The following CDKL5 variants were observed in gnomAD, a reference collection of about 807,000 sequenced individuals.
CDKL5 encodes the protein cyclin dependent kinase like 5.
In CDKL5, 8 loss-of-function variants were observed where a neutral mutation model predicts 61.7. That is an observed-to-expected ratio of 0.13 (90% CI 0.08 to 0.23). The LOEUF (loss-of-function observed/expected upper bound fraction) is 0.23, where lower values mean the gene tolerates loss of function less well. Ranked by LOEUF, CDKL5 falls within the 10% of genes least tolerant of loss-of-function variation. The pLI, the probability that CDKL5 is intolerant of heterozygous loss-of-function variation, is 1.00. For synonymous variants in CDKL5, 275 were observed against 272.3 expected, an observed-to-expected ratio of 1.01 and a Z score of -0.10; for missense variants, 440 against 734.5, an observed-to-expected ratio of 0.60 and a Z score of 4.63.
At chrX:18,485,734 T>G (rs1396197213) in intron 1 of CDKL5, among the ~76,000 whole-genome samples, 1 of 111,899 alleles carries the variant, frequency 8.9e-6, no homozygotes, top group African/African-American at 3.2e-5. Context: ...CTTAAGGGAA[T>G]TTAGCTATCA....
At chrX:18,522,792 G>A (rs1569201559) in intron 3 of CDKL5, among the ~76,000 whole-genome samples, 1 of 101,107 alleles carries the variant, frequency 9.9e-6, no homozygotes, top group Admixed American at 1.1e-4. Context: ...AAATATTATC[G>A]ATTTTTTTTT....
chrX:18,574,076 A>C, intron 4 of CDKL5, among the ~76,000 whole-genome samples: 1 of 110,237 alleles, frequency 9.1e-6, no homozygotes, highest in Middle Eastern at 4.7e-3. Flanking sequence ...CTATCTCCAC[A>C]CTCCATTTTC....
chrX:18,528,521 A>G (rs1420134929), intron 3 of CDKL5, among the ~76,000 whole-genome samples: 1 of 110,046 alleles, frequency 9.1e-6, no homozygotes, highest in East Asian at 2.9e-4. Flanking sequence ...CTTCCTCTTG[A>G]TTAGTGTTAT....
chrX:18,647,426 G>A (rs923213442), intron 20 of CDKL5: 24 of 985,175 alleles, frequency 2.4e-5, no homozygotes, highest in South Asian at 2.4e-4. Flanking sequence ...TCTGCTTTGC[G>A]CTTCGGAGAC....
intron 3 of CDKL5, among the ~76,000 whole-genome samples, chrX:18,539,346 A>C (rs987495590): frequency 8.9e-6 from 1 of 112,039 alleles, no homozygotes; most frequent in Non-Finnish European, 1.9e-5. Context: ...ATTGAATACT[A>C]TAAATTTCCC....
chrX:18,613,323 T>C lies in CDKL5; in HGVS notation c.2276+48T>C, dbSNP rs770940060. On this transcript the variant is annotated intron_variant, in intron 15 of 17. Coordinates refer to ENST00000623535, the MANE Select transcript of CDKL5 (RefSeq NM_001323289.2). ...ACTCTTCCTTTTTTTAATTGTAGAT[T>C]TAAGAGTTGAAATAAATTCTGGATG... The C allele has an allele frequency of 1.4e-5, 16 of 1,131,785 alleles. No individual in the cohort carries two copies. In the African/African-American group the frequency reaches 2.7e-4, roughly 19 times the overall value. The allele number at this position is 1,131,785 out of a possible 1,213,427, so 93.3% of individuals were successfully genotyped here.
intron 1 of CDKL5, among the ~76,000 whole-genome samples, chrX:18,435,407 A>G (rs1468271038): frequency 1.8e-5 from 2 of 112,140 alleles, no homozygotes. Context: ...ATTATTTTAT[A>G]CTTTATCAAT....
chrX:18,434,400 A>G (rs1329276210), intron 1 of CDKL5, among the ~76,000 whole-genome samples: 2 of 111,329 alleles, frequency 1.8e-5, no homozygotes, highest in South Asian at 3.8e-4. Context: ...TTTAATGGCA[A>G]ACAGGTTAGA....
At chrX:18,584,546 T>C (rs1427657139) in intron 8 of CDKL5, among the ~76,000 whole-genome samples, 193 bp downstream of exon 8, 1 of 111,970 alleles carries the variant, frequency 8.9e-6, no homozygotes, top group Non-Finnish European at 1.9e-5. Flanking sequence ...ATTCTGGGTG[T>C]GGGGGAATCA....
At chrX:18,647,144 A>G (rs1569230048) in intron 20 of CDKL5, 2 of 1,177,561 alleles carry the variant, frequency 1.7e-6, no homozygotes, top group Admixed American at 4.4e-5. Flanking sequence ...AGAGAGGCCT[A>G]TTTTTTTTTA....
chrX:18,645,149 G>GT (rs1392128590), downstream of CDKL5, among the ~76,000 whole-genome samples: 2 of 112,374 alleles, frequency 1.8e-5, no homozygotes, highest in Non-Finnish European at 3.8e-5. Context: ...CAACTAAGTT[G>GT]TTTTTTTAGC....
At chrX:18,552,333 A>G (rs984508399) in intron 3 of CDKL5, among the ~76,000 whole-genome samples, 8 of 111,864 alleles carry the variant, frequency 7.2e-5, no homozygotes, top group Middle Eastern at 4.7e-3. Flanking sequence ...TTCCTTATGT[A>G]CCAAGGAATG....
chrX:18,567,379 T>G (rs1925002675), intron 4 of CDKL5, among the ~76,000 whole-genome samples: 1 of 112,348 alleles, frequency 8.9e-6, no homozygotes, highest in Admixed American at 9.5e-5. Context: ...TCTTGAAATA[T>G]TCATTTGATA....
intron 3 of CDKL5, among the ~76,000 whole-genome samples, chrX:18,556,882 CAAAAAAAA>C (rs67362338): frequency 4.4e-5 from 2 of 44,957 alleles, no homozygotes; most frequent in Non-Finnish European, 7.0e-5. Context: ...GACTCCGTCT[CAAAAAAAA>C]AAAAAAAAAA....
intron 3 of CDKL5, among the ~76,000 whole-genome samples, chrX:18,521,965 C>T (rs1365984851): frequency 1.8e-5 from 2 of 112,039 alleles, no homozygotes; most frequent in African/African-American, 6.5e-5. Context: ...TATTGAAATT[C>T]GGAAGTGTGA....
chrX:18,628,666 G>T lies in CDKL5; in HGVS notation c.2792G>T (p.Gly931Val), dbSNP rs753257705. ...TEGPSYSEQL[G>V]AKSGPNGHPY... ...GGCCCTTCCTACTCTGAACAGCTGG[G>T]TGCCAAAAGTGGGCCAAATGGGCAC... is the stretch of plus-strand genomic sequence containing the variant. Residue 931 changes from glycine (G) to valine (V), a missense_variant, in exon 18 of 18, where the codon GGT (glycine) becomes GTT (valine). Physicochemically the swap from Gly to Val is moderately radical, Grantham distance 109 (BLOSUM62 -3). Coordinates refer to ENST00000623535, the MANE Select transcript of CDKL5 (RefSeq NM_001323289.2). 8.3e-6 allele frequency: 10 copies of T among 1,202,465 alleles called. No homozygotes were observed. The highest frequency in any genetic ancestry group is 1.1e-5 in the Non-Finnish European group (10 of 891,297).
At chrX:18,555,137 A>T (rs1954722772) in intron 3 of CDKL5, among the ~76,000 whole-genome samples, 1 of 110,559 alleles carries the variant, frequency 9.0e-6, no homozygotes, top group South Asian at 3.9e-4. Flanking sequence ...TGGGGCTAGG[A>T]CTGTTGTAGG....
intron 3 of CDKL5, among the ~76,000 whole-genome samples, chrX:18,524,282 C>A (rs1053350218): frequency 8.9e-6 from 1 of 112,039 alleles, no homozygotes; most frequent in African/African-American, 3.2e-5. Flanking sequence ...TTCTCATCTG[C>A]CATGGATATG....
chrX:18,592,155 T>C (rs955372450), intron 9 of CDKL5, among the ~76,000 whole-genome samples: 1 of 112,413 alleles, frequency 8.9e-6, no homozygotes, highest in African/African-American at 3.2e-5. Flanking sequence ...TGAACAGATC[T>C]GACATGCTGC....
Sources: gnomAD v4.1 joint callset for allele counts (sites outside exome capture counted in the v4.1 genomes callset) on GRCh38, gnomAD v4.1.1 for gene constraint, MANE v1.5 for transcripts, NCBI Gene and HGNC (gene_info 2026-07-23, HGNC 2026-07-21) for gene names.